The following KLRG1 variants were observed in gnomAD, a reference collection of about 807,000 sequenced individuals.
KLRG1 encodes killer cell lectin-like receptor subfamily G member 1.
In KLRG1, 16 loss-of-function variants were observed where a neutral mutation model predicts 21.8. The observed-to-expected ratio is 0.73, with a 90% CI of 0.50 to 1.11. KLRG1 has a LOEUF of 1.11. Ranked by LOEUF, KLRG1 falls within the 50% of genes most tolerant of loss-of-function variation. KLRG1 has a pLI of 0.00. For synonymous variants in KLRG1, 69 were observed against 75.9 expected (o/e 0.91, Z 0.47); for missense variants, 173 against 218.3 (o/e 0.79, Z 1.31).
chr12:9,087,830 T>C, the KLRG1 span, among the ~76,000 whole-genome samples: 1 of 152,146 alleles, frequency 6.6e-6, no homozygotes, highest in Admixed American at 6.5e-5. Context: ...TATGCATATC[T>C]ATGCATATGC....
chr12:9,137,471 TTTC>T, the KLRG1 span, among the ~76,000 whole-genome samples: 1 of 152,156 alleles, frequency 6.6e-6, no homozygotes, highest in Non-Finnish European at 1.5e-5. Flanking sequence ...GTCCTCCAGC[TTTC>T]TTCTTCTTTC....
At chr12:8,955,169 TC>T (rs1181669068) in intron 1 of KLRG1, among the ~76,000 whole-genome samples, 1 of 152,106 alleles carries the variant, frequency 6.6e-6, no homozygotes, top group African/African-American at 2.4e-5. Context: ...CACCTCGGCC[TC>T]CCAAAGTGCT....
the KLRG1 span, among the ~76,000 whole-genome samples, chr12:9,136,717 A>T: frequency 1.3e-5 from 2 of 152,126 alleles, no homozygotes; most frequent in African/African-American, 4.8e-5. Context: ...GATAATAGGC[A>T]TCCTGACATG....
chr12:9,115,935 C>T, the KLRG1 span: 1 of 1,116,394 alleles, frequency 9.0e-7, no homozygotes, highest in Non-Finnish European at 1.4e-6. Flanking sequence ...CTTCCCAAAG[C>T]AACTGGGCTT....
At chr12:9,184,245 C>T in the KLRG1 span, among the ~76,000 whole-genome samples, 2 of 152,170 alleles carry the variant, frequency 1.3e-5, no homozygotes, top group African/African-American at 4.8e-5. Context: ...GCACTAAGCT[C>T]GCCAACCCCA....
chr12:8,962,628 A>T (rs1946399502), intron 1 of KLRG1, among the ~76,000 whole-genome samples: 2 of 151,576 alleles, frequency 1.3e-5, no homozygotes, highest in South Asian at 4.2e-4. Context: ...AGGTGGGAGG[A>T]TAGCTTGAGC....
chr12:8,964,381 T>C (rs1246144807), intron 1 of KLRG1, among the ~76,000 whole-genome samples: 1 of 152,240 alleles, frequency 6.6e-6, no homozygotes, highest in Non-Finnish European at 1.5e-5. Flanking sequence ...TCTAGTTTGA[T>C]TGCACTGTGG....
the KLRG1 span, chr12:9,095,742 C>CTTTTTTTTTTTTTTTTTT: frequency 3.6e-6 from 1 of 276,800 alleles, no homozygotes. Context: ...TTATTTGTGA[C>CTTTTTTTTTTTTTTTTTT]TTTTTTTTTT....
the KLRG1 span, chr12:9,099,255 T>C: frequency 1.1e-6 from 1 of 870,012 alleles, no homozygotes; most frequent in Non-Finnish European, 1.8e-6. Context: ...TGCCACTACC[T>C]TGCTGAATGT....
the KLRG1 span, among the ~76,000 whole-genome samples, chr12:9,188,917 A>C: frequency 3.9e-5 from 6 of 152,344 alleles, no homozygotes; most frequent in Non-Finnish European, 7.4e-5. Context: ...GCTCATAGAT[A>C]GGAAGAATCA....
the KLRG1 span, among the ~76,000 whole-genome samples, chr12:9,198,891 G>A: frequency 2.0e-5 from 3 of 152,132 alleles, no homozygotes; most frequent in East Asian, 1.9e-4. Flanking sequence ...AGATCTAGGC[G>A]TTTTGGTGTT....
At chr12:9,073,564 T>C in the KLRG1 span, among the ~76,000 whole-genome samples, 1 of 152,196 alleles carries the variant, frequency 6.6e-6, no homozygotes. Context: ...GTTTTTTTCA[T>C]TCATATGATA....
At chr12:9,211,421 T>A in the KLRG1 span, among the ~76,000 whole-genome samples, 1 of 152,336 alleles carries the variant, frequency 6.6e-6, no homozygotes, top group South Asian at 2.1e-4. Context: ...TCTGTTCTTA[T>A]ATAATTTTTG....
At chr12:9,212,565 C>G in the KLRG1 span, among the ~76,000 whole-genome samples, 1 of 152,194 alleles carries the variant, frequency 6.6e-6, no homozygotes, top group African/African-American at 2.4e-5. Context: ...ACATAACTGT[C>G]TATGCAAGAT....
chr12:8,978,701 T>C (rs890730258), intron 1 of KLRG1, among the ~76,000 whole-genome samples: 40 of 150,418 alleles, frequency 2.7e-4, no homozygotes, highest in Non-Finnish European at 5.2e-4. Flanking sequence ...TTTCTTTCTT[T>C]TCTCTCTCTC....
At chr12:9,022,862 G>A in the KLRG1 span, among the ~76,000 whole-genome samples, 6 of 152,178 alleles carry the variant, frequency 3.9e-5, no homozygotes, top group African/African-American at 1.4e-4. Flanking sequence ...AAAAGAACTT[G>A]TTCCAAGAGC....
At chr12:9,149,614 CG>C in the KLRG1 span, 1 of 1,611,750 alleles carries the variant, frequency 6.2e-7, no homozygotes, top group East Asian at 2.2e-5. Context: ...TGAAAGATAA[CG>C]TTGGGTGAAG....
chr12:8,990,084 A>G (rs1363496593), intron 1 of KLRG1: 1 of 157,986 alleles, frequency 6.3e-6, no homozygotes, highest in Non-Finnish European at 1.4e-5. Context: ...AATTCTAGGT[A>G]TGGCTGTTTT....
chr12:9,002,244 T>C (rs927412460), intron 3 of KLRG1, among the ~76,000 whole-genome samples: 1 of 152,184 alleles, frequency 6.6e-6, no homozygotes, highest in Non-Finnish European at 1.5e-5. Flanking sequence ...ATAACTTACA[T>C]ACATTCTGTA....
Sources: gnomAD v4.1 joint callset for allele counts (sites outside exome capture counted in the v4.1 genomes callset) on GRCh38, gnomAD v4.1.1 for gene constraint, MANE v1.5 for transcripts, NCBI Gene and HGNC (gene_info 2026-07-23, HGNC 2026-07-21) for gene names.